Variants in COPA observed in about 807,000 individuals in gnomAD.
COPA encodes coat protein complex I subunit alpha.
A neutral mutation model predicts 158.7 loss-of-function variants in COPA; 10 were observed. That is an observed-to-expected ratio of 0.06 (90% CI 0.04 to 0.11). COPA has a LOEUF of 0.11. Ranked by LOEUF, COPA falls within the 10% of genes least tolerant of loss-of-function variation. COPA has a pLI of 1.00. For missense variants in COPA, 1,065 were observed against 1,536.7 expected (o/e 0.69, Z 5.13); for synonymous variants, 462 against 542.8 (o/e 0.85, Z 2.07).
chr1:160,341,063 G>A (rs569509772), intron 1 of COPA, among the ~76,000 whole-genome samples: 1 of 152,158 alleles, frequency 6.6e-6, no homozygotes, highest in Non-Finnish European at 1.5e-5. Flanking sequence ...ACTGCCTGTT[G>A]CCCAACATCT....
In COPA at chr1:160,338,685, A is replaced by C. The variant is rs544397384; in HGVS notation, c.228+1224T>G. Among the ~76,000 whole-genome samples, 4 of 152,208 alleles carry C rather than the reference A, an allele frequency of 2.6e-5. No individual in the cohort carries two copies. The South Asian group carries it at 8.3e-4, about 32-fold the overall frequency. On this transcript the variant is annotated intron_variant, in intron 3 of 32. Transcript: ENST00000241704. ...TTAAGCAATTCAAAGGTTATTTCTC[A>C]ATCTTGATCTTATTCTGAACACTTT...
chr1:160,295,428 A>G (rs537562608), intron 23 of COPA, among the ~76,000 whole-genome samples: 13 of 152,346 alleles, frequency 8.5e-5, no homozygotes, highest in African/African-American at 2.9e-4. Flanking sequence ...ATGAATGATA[A>G]AATACTGAAC....
intron 23 of COPA, 101 bp downstream of exon 23, chr1:160,295,635 C>T: frequency 8.3e-7 from 1 of 1,202,812 alleles, no homozygotes; most frequent in Non-Finnish European, 1.1e-6. Flanking sequence ...AGGCTCCATG[C>T]AGAAAAAAAG....
At chr1:160,338,830 AATG>A (rs1197968776) in intron 3 of COPA, among the ~76,000 whole-genome samples, 1 of 151,966 alleles carries the variant, frequency 6.6e-6, no homozygotes, top group Non-Finnish European at 1.5e-5. Context: ...CTCTCCCTTA[AATG>A]ATGGTCTGTC....
Position 160,305,537 on chromosome 1 carries a change from T to A in COPA, c.1563A>T (p.Leu521Phe), listed in dbSNP as rs187547429. 1.9e-5 allele frequency: 31 copies of A among 1,614,192 alleles called. No homozygotes were observed. The African/African-American group carries it at 3.2e-4, about 17-fold the overall frequency. Residue 521 changes from leucine (L) to phenylalanine (F), a missense_variant, in exon 17 of 33, where the codon TTA (leucine) becomes TTT (phenylalanine). Physicochemically the swap from Leu to Phe is conservative, Grantham distance 22. Around this residue, in one of 2 missense-constraint regions of COPA, gnomAD observed 980 missense variants for 1,357.8 expected, o/e 0.72. Coordinates refer to ENST00000241704, the MANE Select transcript of COPA (RefSeq NM_004371.4). ...CACGAATGTTCTCATGAATGTTACA[T>A]AAAGCATCCAGTTTGCGGTTACAGA... Reference protein sequence around the residue: ...IVICNRKLDALCNIHENIRVK... With the variant: ...IVICNRKLDAFCNIHENIRVK...
chr1:160,321,939 C>A (rs1426362017), intron 8 of COPA, among the ~76,000 whole-genome samples: 1 of 151,994 alleles, frequency 6.6e-6, no homozygotes, highest in Non-Finnish European at 1.5e-5. Flanking sequence ...CTATAAAACT[C>A]TGATGAAAAA....
chr1:160,325,283 T>C (rs987528938), intron 7 of COPA, among the ~76,000 whole-genome samples: 1 of 152,190 alleles, frequency 6.6e-6, no homozygotes, highest in African/African-American at 2.4e-5. Context: ...GGCTCTGCTT[T>C]GGGATGGTGA....
At chr1:160,291,628 A>C in intron 30 of COPA, 132 bp from the exon 31 acceptor site, 4 of 1,197,940 alleles carry the variant, frequency 3.3e-6, no homozygotes, top group Non-Finnish European at 4.7e-6. Flanking sequence ...GAGGTCTTCT[A>C]CCTCCTAGGT....
chr1:160,322,716 G>C (rs1659364888), intron 8 of COPA, among the ~76,000 whole-genome samples: 1 of 152,118 alleles, frequency 6.6e-6, no homozygotes, highest in Non-Finnish European at 1.5e-5. Context: ...TATGGAGAAA[G>C]GGGAACCCTC....
In COPA at chr1:160,298,976, T is replaced by C; in HGVS notation, c.1846A>G (p.Arg616Gly). 1 of 1,613,992 alleles carries C rather than the reference T, an allele frequency of 6.2e-7. No homozygotes were observed. The highest frequency in any genetic ancestry group is 8.5e-7 in the Non-Finnish European group (1 of 1,179,994). Residue 616 changes from arginine to glycine, a missense_variant, in exon 19 of 33, where the codon AGG (arginine) becomes GGG (glycine). Transcript: ENST00000241704. ...GACTGGCCAACTAGTTTGGCATTCCTCACCATGTGCAGTACCTAGACATTT... is the reference window on the plus strand; with the variant it reads ...GACTGGCCAACTAGTTTGGCATTCCCCACCATGTGCAGTACCTAGACATTT... ...RKYDEVLHMVRNAKLVGQSII... is the reference protein window; with the variant it reads ...RKYDEVLHMVGNAKLVGQSII...
intron 7 of COPA, 79 bp downstream of exon 7, chr1:160,325,464 G>GA: frequency 8.5e-7 from 1 of 1,175,658 alleles, no homozygotes. Flanking sequence ...TTTGTTGAAG[G>GA]AATGAATAAA....
At chr1:160,320,967 C>T (rs1659317056) in intron 8 of COPA, among the ~76,000 whole-genome samples, 1 of 151,912 alleles carries the variant, frequency 6.6e-6, no homozygotes, top group South Asian at 2.1e-4. Context: ...TATTAGCAAA[C>T]CAAATTCAAT....
intron 22 of COPA, 28 bp downstream of exon 22, chr1:160,296,031 TAA>T: frequency 6.2e-7 from 1 of 1,602,060 alleles, no homozygotes; most frequent in South Asian, 1.1e-5. Context: ...AATCCTGTAA[TAA>T]GAGACAATTA....
chr1:160,305,023 T>C (rs950433773), intron 17 of COPA, among the ~76,000 whole-genome samples: 1 of 152,088 alleles, frequency 6.6e-6, no homozygotes, highest in African/African-American at 2.4e-5. Flanking sequence ...AACTAAATCA[T>C]ATTAAGAAAC....
chr1:160,310,456 A>C lies in COPA; in HGVS notation c.1077-198T>G, dbSNP rs1658927631. 3.6e-5 allele frequency: 14 copies of C among 387,936 alleles called. 1 individual carries two copies. The South Asian group carries it at 8.0e-4, about 22-fold the overall frequency. 24.0% of individuals were successfully genotyped at this position (387,936 alleles called of 1,614,324 possible). ...AACTTCCCTAGCTCAGCTTTGAACA[A>C]ACAGTTTTAAAAAGTAAGCCATAGT... On this transcript the variant is annotated intron_variant, in intron 11 of 32. Coordinates refer to ENST00000241704, the MANE Select transcript of COPA (RefSeq NM_004371.4).
At chr1:160,312,289 C>T (rs1394051681) in intron 10 of COPA, among the ~76,000 whole-genome samples, 3 of 152,202 alleles carry the variant, frequency 2.0e-5, no homozygotes, top group South Asian at 2.1e-4. Flanking sequence ...ACCTCCATTA[C>T]AGTACTTATC....
At chr1:160,307,992 A>G (rs1658844076) in intron 13 of COPA, among the ~76,000 whole-genome samples, 1 of 152,152 alleles carries the variant, frequency 6.6e-6, no homozygotes, top group Non-Finnish European at 1.5e-5. Flanking sequence ...GAAACTAATT[A>G]TTATCAAAAC....
intron 25 of COPA, among the ~76,000 whole-genome samples, 163 bp downstream of exon 25, chr1:160,294,321 C>T (rs1009754701): frequency 6.6e-6 from 1 of 152,160 alleles, no homozygotes; most frequent in African/African-American, 2.4e-5. Flanking sequence ...GGGAGATAAG[C>T]ATCAGACTAG....
intron 17 of COPA, among the ~76,000 whole-genome samples, chr1:160,303,510 A>G (rs1409806502): frequency 3.3e-5 from 5 of 152,198 alleles, no homozygotes. Context: ...AGCTTTCTAT[A>G]CCTCACACCA....
Sources: allele counts gnomAD v4.1 joint callset (sites outside exome capture counted in the v4.1 genomes callset), GRCh38; gene constraint gnomAD v4.1.1; regional missense constraint gnomAD v4.1.1; transcripts MANE v1.5; gene names NCBI Gene and HGNC (gene_info 2026-07-23, HGNC 2026-07-21).